The following MSRA variants were observed in gnomAD, a reference collection of about 807,000 sequenced individuals.
MSRA encodes mitochondrial peptide methionine sulfoxide reductase.
In MSRA, 54 loss-of-function variants were observed where a neutral mutation model predicts 31.3. That is an observed-to-expected ratio of 1.73 (90% CI 1.39 to 2.17). The LOEUF (loss-of-function observed/expected upper bound fraction) is 2.17. Among genes scored for constraint, MSRA ranks in the 30% most tolerant of loss-of-function variants. MSRA has a pLI of 0.00. For missense variants in MSRA, 507 were observed against 300.9 expected, an observed-to-expected ratio of 1.69 and a Z score of -5.07; for synonymous variants, 169 against 116.5, an observed-to-expected ratio of 1.45 and a Z score of -2.90.
intron 3 of MSRA, among the ~76,000 whole-genome samples, chr8:10,246,301 T>C (rs1001578222): frequency 6.6e-6 from 1 of 152,228 alleles, no homozygotes; most frequent in Non-Finnish European, 1.5e-5. Context: ...GGTAGGCAGA[T>C]GCCCTCATGG....
chr8:10,061,941 C>T (rs1370493326), intron 1 of MSRA, among the ~76,000 whole-genome samples: 3 of 152,200 alleles, frequency 2.0e-5, no homozygotes, highest in African/African-American at 4.8e-5. Flanking sequence ...GTGCAGTCCA[C>T]GTGGGGCCTT....
At chr8:10,106,039 A>T (rs776626483) in intron 1 of MSRA, among the ~76,000 whole-genome samples, 11 of 152,240 alleles carry the variant, frequency 7.2e-5, no homozygotes, top group Non-Finnish European at 1.5e-4. Flanking sequence ...CTCTTTCCAC[A>T]ATCCTATAGG....
At chr8:10,300,590 G>C (rs1318604803) in intron 3 of MSRA, among the ~76,000 whole-genome samples, 4 of 152,032 alleles carry the variant, frequency 2.6e-5, no homozygotes, top group African/African-American at 7.2e-5. Flanking sequence ...GGTTTCACCA[G>C]ATTGGCCAGG....
chr8:10,222,491 A>G (rs571008561), intron 2 of MSRA, among the ~76,000 whole-genome samples: 1 of 152,324 alleles, frequency 6.6e-6, no homozygotes, highest in East Asian at 1.9e-4. Context: ...TCATTCAACA[A>G]TTCTACTTCT....
intron 1 of MSRA, among the ~76,000 whole-genome samples, chr8:10,177,505 C>G (rs1436230292): frequency 6.6e-6 from 1 of 151,948 alleles, no homozygotes; most frequent in African/African-American, 2.4e-5. Flanking sequence ...TTGTTATCCA[C>G]CTCTTCTTTG....
At chr8:10,239,723 G>A (rs1194509010) in intron 2 of MSRA, among the ~76,000 whole-genome samples, 1 of 152,216 alleles carries the variant, frequency 6.6e-6, no homozygotes, top group East Asian at 1.9e-4. Flanking sequence ...TAACTCTACA[G>A]AGCCAAGAGT....
intron 1 of MSRA, among the ~76,000 whole-genome samples, chr8:10,069,241 A>T (rs73526782): frequency 7.8e-4 from 118 of 152,024 alleles, no homozygotes; most frequent in African/African-American, 2.7e-3. Context: ...CAATCTGTAC[A>T]CCTTTTATTT....
intron 1 of MSRA, among the ~76,000 whole-genome samples, chr8:10,123,267 C>G (rs1801258429): frequency 6.6e-6 from 1 of 152,230 alleles, no homozygotes; most frequent in South Asian, 2.1e-4. Context: ...TTGCATTTCT[C>G]TAATGATCAG....
chr8:10,135,876 C>T (rs758081276), intron 1 of MSRA, among the ~76,000 whole-genome samples: 3 of 152,138 alleles, frequency 2.0e-5, no homozygotes, highest in South Asian at 2.1e-4. Flanking sequence ...AGAGGCATAA[C>T]GAACCATGCA....
chr8:10,202,914 G>A (rs1186226385), intron 1 of MSRA, among the ~76,000 whole-genome samples: 1 of 152,130 alleles, frequency 6.6e-6, no homozygotes, highest in Non-Finnish European at 1.5e-5. Flanking sequence ...ATATGGGTAG[G>A]AAGTGGGAGA....
At chr8:10,339,530 T>A (rs1278116517) in intron 5 of MSRA, among the ~76,000 whole-genome samples, 2 of 121,020 alleles carry the variant, frequency 1.7e-5, no homozygotes, top group African/African-American at 3.2e-5. Flanking sequence ...TTTCTTTCTT[T>A]CTTTTTTTTT....
At chr8:10,155,724 A>G (rs1025173989) in intron 1 of MSRA, among the ~76,000 whole-genome samples, 3 of 152,182 alleles carry the variant, frequency 2.0e-5, no homozygotes. Context: ...ATCAATAAAG[A>G]ATATTAATGA....
At chr8:10,189,012 A>G (rs1174992857) in intron 1 of MSRA, among the ~76,000 whole-genome samples, 2 of 152,162 alleles carry the variant, frequency 1.3e-5, no homozygotes, top group African/African-American at 4.8e-5. Flanking sequence ...GTATCTTTCC[A>G]TTGATTTCTA....
At chr8:10,307,580 C>T (rs1801209208) in intron 4 of MSRA, among the ~76,000 whole-genome samples, 3 of 152,190 alleles carry the variant, frequency 2.0e-5, no homozygotes, top group South Asian at 2.1e-4. Flanking sequence ...AATTGCATGC[C>T]TATCATATTC....
chr8:10,218,799 C>A (rs1393694034), intron 2 of MSRA, among the ~76,000 whole-genome samples: 2 of 152,212 alleles, frequency 1.3e-5, no homozygotes, highest in Non-Finnish European at 2.9e-5. Context: ...TGACCATTTT[C>A]ACTTGGGCGT....
chr8:10,174,887 T>C lies in MSRA; in HGVS notation c.143-32946T>C, dbSNP rs1585094845. Among the ~76,000 whole-genome samples the C allele has an allele frequency of 2.0e-5, 3 of 152,106 alleles. No individual in the cohort carries two copies. In the East Asian group the frequency reaches 5.8e-4, roughly 29 times the overall value. On this transcript the variant is annotated intron_variant, in intron 1 of 5. Coordinates refer to ENST00000317173, the MANE Select transcript of MSRA (RefSeq NM_012331.5). Reference sequence around the variant, plus strand: ...ATTTTATTCTGTCCTCTGGTGTCTGTCAATAGATCTCATCTCCCCAGACAG... The same window carrying C: ...ATTTTATTCTGTCCTCTGGTGTCTGCCAATAGATCTCATCTCCCCAGACAG...
chr8:10,136,215 G>C (rs1363274842), intron 1 of MSRA, among the ~76,000 whole-genome samples: 2 of 152,246 alleles, frequency 1.3e-5, no homozygotes, highest in Non-Finnish European at 2.9e-5. Context: ...CTGCGGTGCA[G>C]AGAGGCACAT....
intron 5 of MSRA, among the ~76,000 whole-genome samples, chr8:10,402,105 C>G (rs1807501897): frequency 1.3e-5 from 2 of 152,202 alleles, no homozygotes; most frequent in African/African-American, 4.8e-5. Flanking sequence ...CAGGCAGACC[C>G]TGAGCATTGG....
chr8:10,405,228 C>T (rs989628115), intron 5 of MSRA, among the ~76,000 whole-genome samples: 1 of 152,128 alleles, frequency 6.6e-6, no homozygotes, highest in Admixed American at 6.5e-5. Flanking sequence ...TCCCCTCTGT[C>T]AACCCTGTGC....
Sources: allele counts gnomAD v4.1 joint callset (sites outside exome capture counted in the v4.1 genomes callset), GRCh38; gene constraint gnomAD v4.1.1; transcripts MANE v1.5; gene names NCBI Gene and HGNC (gene_info 2026-07-23, HGNC 2026-07-21).